Variants in APP observed in about 807,000 individuals in gnomAD.
APP encodes amyloid beta precursor protein.
In APP, 31 loss-of-function variants were observed where a neutral mutation model predicts 101.4. The ratio of observed to expected loss-of-function variants is 0.31; its 90% CI spans 0.23 to 0.41. The LOEUF (loss-of-function observed/expected upper bound fraction) is 0.41, where lower values mean the gene tolerates loss of function less well. APP is among the 10% of genes least tolerant of loss of function. APP has a pLI of 1.00. For synonymous variants in APP, 366 were observed against 364.4 expected (o/e 1.00, Z -0.05); for missense variants, 839 against 1,003.7 (o/e 0.84, Z 2.22).
At chr21:26,002,951 T>C (rs920985033) in intron 6 of APP, among the ~76,000 whole-genome samples, 2 of 152,144 alleles carry the variant, frequency 1.3e-5, no homozygotes, top group African/African-American at 2.4e-5. Flanking sequence ...GATAAAAGAA[T>C]GATGATCGAA....
At position 26,170,691 on chromosome 21, in the gene APP, G is replaced by A. The variant is rs531158286; in HGVS notation, c.-71C>T. On this transcript the variant is annotated 5_prime_UTR_variant, in exon 1 of 18. Transcript: ENST00000346798. ...TCCGCCGCGTCCTTGCTCTGCCCGC[G>A]CCGCCACCGCCGCCGTCTCCCGGGG... 3.1e-5 allele frequency: 44 copies of A among 1,413,470 alleles called. No individual in the cohort carries two copies. In the African/African-American group the frequency reaches 3.3e-4, roughly 11 times the overall value. 87.6% of individuals were successfully genotyped at this position (1,413,470 alleles called of 1,614,324 possible).
chr21:26,074,681 GC>G (rs1054763486), intron 3 of APP, among the ~76,000 whole-genome samples: 2 of 152,050 alleles, frequency 1.3e-5, no homozygotes, highest in African/African-American at 4.8e-5. Flanking sequence ...AACCCGGGAG[GC>G]GGAGGTTGCA....
chr21:25,932,253 TAGG>T (rs1250138259), intron 13 of APP, among the ~76,000 whole-genome samples: 1 of 152,172 alleles, frequency 6.6e-6, no homozygotes, highest in African/African-American at 2.4e-5. Context: ...GAAAATAGTG[TAGG>T]AGATGAAAAG....
chr21:26,103,640 G>A (rs894322538), intron 2 of APP, among the ~76,000 whole-genome samples: 2 of 152,284 alleles, frequency 1.3e-5, no homozygotes, highest in Admixed American at 1.3e-4. Flanking sequence ...TCAATGGATA[G>A]AAATGGTCTC....
chr21:25,985,413 T>C (rs73899738), intron 8 of APP, among the ~76,000 whole-genome samples: 14,687 of 152,202 alleles, frequency 0.096, 1,177 homozygotes, highest in African/African-American at 0.21. Context: ...AATCACCCGA[T>C]CTGCTGAGGG....
intron 6 of APP, among the ~76,000 whole-genome samples, chr21:26,001,654 G>A (rs930990689): frequency 4.6e-5 from 7 of 152,204 alleles, no homozygotes; most frequent in Admixed American, 6.5e-5. Flanking sequence ...GTACCAGCAC[G>A]CCTGGCTAAT....
intron 5 of APP, among the ~76,000 whole-genome samples, chr21:26,024,363 T>C (rs1407246343): frequency 3.3e-5 from 5 of 151,640 alleles, no homozygotes; most frequent in Non-Finnish European, 7.4e-5. Context: ...ACCACAGAGC[T>C]GATTCTGGCC....
chr21:25,884,695 T>G (rs973359398), intron 17 of APP, among the ~76,000 whole-genome samples: 4 of 152,082 alleles, frequency 2.6e-5, no homozygotes, highest in Admixed American at 1.3e-4. Context: ...ATGCCCAGGT[T>G]AAAAAAAATT....
intron 6 of APP, among the ~76,000 whole-genome samples, chr21:26,018,124 TAA>T (rs1347980135): frequency 2.0e-5 from 3 of 152,220 alleles, no homozygotes; most frequent in African/African-American, 7.2e-5. Flanking sequence ...ATGACTACGC[TAA>T]AAGTGTCTTA....
chr21:25,982,560 T>C lies in APP; in HGVS notation c.1091-83A>G, dbSNP rs1005459988. On this transcript the variant is annotated intron_variant, in intron 8 of 17. Transcript: ENST00000346798. Reference sequence around the variant, plus strand: ...CCACTCGTTTAATAGAAAGCCGTATTTTCAGTTATTTCTCAGAACAGAGAA... The same window carrying C: ...CCACTCGTTTAATAGAAAGCCGTATCTTCAGTTATTTCTCAGAACAGAGAA... The C allele has an allele frequency of 5.2e-6, 7 of 1,352,176 alleles. No individual in the cohort carries two copies. In the African/African-American group the frequency reaches 1.0e-4, roughly 20 times the overall value. The allele number at this position is 1,352,176 out of a possible 1,614,324, so 83.8% of individuals were successfully genotyped here.
At chr21:25,937,830 T>C (rs2040419523) in intron 13 of APP, 1 of 152,282 alleles carries the variant, frequency 6.6e-6, no homozygotes, top group African/African-American at 2.4e-5. Context: ...AGTGTAGTGG[T>C]GCCGCCAGGC....
At chr21:25,985,808 T>G (rs1424106068) in intron 8 of APP, among the ~76,000 whole-genome samples, 7 of 152,116 alleles carry the variant, frequency 4.6e-5, no homozygotes, top group Non-Finnish European at 1.0e-4. Flanking sequence ...TATCTTTAAC[T>G]CAAATTTTTC....
chr21:25,901,323 A>AC (rs370394013), intron 15 of APP, among the ~76,000 whole-genome samples: 37 of 64,204 alleles, frequency 5.8e-4, no homozygotes, highest in Non-Finnish European at 1.1e-3. Flanking sequence ...AAAAAACAAA[A>AC]CCAAGAGCTC....
At chr21:26,108,080 G>A (rs1020664853) in intron 2 of APP, among the ~76,000 whole-genome samples, 3 of 152,190 alleles carry the variant, frequency 2.0e-5, no homozygotes, top group African/African-American at 7.2e-5. Flanking sequence ...GCCAGATCAT[G>A]GGATCTAAGA....
intron 4 of APP, among the ~76,000 whole-genome samples, chr21:26,052,928 A>C (rs562378412): frequency 4.6e-5 from 7 of 152,330 alleles, no homozygotes; most frequent in African/African-American, 1.7e-4. Flanking sequence ...GTTGCGAAAC[A>C]CGGCACAGGC....
At chr21:25,946,237 G>A (rs1044083580) in intron 13 of APP, among the ~76,000 whole-genome samples, 23 of 152,080 alleles carry the variant, frequency 1.5e-4, no homozygotes, top group Non-Finnish European at 7.4e-5. Context: ...CTTCTAAATT[G>A]AAAATTTTTG....
chr21:25,938,844 G>A (rs1314706760), intron 13 of APP, among the ~76,000 whole-genome samples: 1 of 152,186 alleles, frequency 6.6e-6, no homozygotes, highest in East Asian at 1.9e-4. Flanking sequence ...GCTAGGACTG[G>A]AGTCAGCGAG....
At chr21:26,109,634 G>A (rs894555323) in intron 2 of APP, among the ~76,000 whole-genome samples, 1 of 152,134 alleles carries the variant, frequency 6.6e-6, no homozygotes, top group African/African-American at 2.4e-5. Flanking sequence ...ACAAACAACA[G>A]GCTAAGACAG....
intron 3 of APP, among the ~76,000 whole-genome samples, chr21:26,075,575 T>C (rs1246346083): frequency 6.6e-6 from 1 of 152,158 alleles, no homozygotes; most frequent in Non-Finnish European, 1.5e-5. Context: ...AGAGCTAACA[T>C]AATAAAAAGC....
Sources: allele counts gnomAD v4.1 joint callset (sites outside exome capture counted in the v4.1 genomes callset), GRCh38; gene constraint gnomAD v4.1.1; transcripts MANE v1.5; gene names NCBI Gene and HGNC (gene_info 2026-07-23, HGNC 2026-07-21).